The following RNLS variants were observed in gnomAD, a reference collection of about 807,000 sequenced individuals.
The protein encoded by RNLS is renalase.
Under a neutral mutation model 39.8 loss-of-function variants are expected in RNLS, and 39 were observed. That is an observed-to-expected ratio of 0.98 (90% CI 0.76 to 1.28). The LOEUF (loss-of-function observed/expected upper bound fraction) is 1.28, where lower values mean the gene tolerates loss of function less well. Among genes scored for constraint, RNLS ranks in the 50% most tolerant of loss-of-function variants. RNLS has a pLI of 0.00. For missense variants in RNLS, 410 were observed against 413.3 expected (o/e 0.99, Z 0.07); for synonymous variants, 147 against 150.7 (o/e 0.98, Z 0.18).
At chr10:88,281,782 T>TGA (rs576103364), downstream of RNLS, among the ~76,000 whole-genome samples, 248 of 152,186 alleles carry the variant, frequency 1.6e-3, 2 homozygotes, top group Non-Finnish European at 1.9e-3. Context: ...AACAAAACCC[T>TGA]GATATATTAA....
At chr10:88,306,667 T>C (rs749030346) in intron 6 of RNLS, among the ~76,000 whole-genome samples, 11 of 152,140 alleles carry the variant, frequency 7.2e-5, no homozygotes, top group Non-Finnish European at 1.5e-4. Flanking sequence ...TAATAAGCTC[T>C]GAAGTTGAGT....
At chr10:88,439,999 T>A (rs143909308) in intron 4 of RNLS, among the ~76,000 whole-genome samples, 2 of 152,220 alleles carry the variant, frequency 1.3e-5, no homozygotes, top group Non-Finnish European at 2.9e-5. Flanking sequence ...CTGCTTGTTA[T>A]ATCACTGTGT....
chr10:88,413,662 TA>T (rs1296131193), intron 4 of RNLS, among the ~76,000 whole-genome samples: 1 of 152,174 alleles, frequency 6.6e-6, no homozygotes, highest in East Asian at 1.9e-4. Context: ...CACTTAATTT[TA>T]AAGGCCTCTT....
At chr10:88,297,462 A>G (rs952343400) in intron 6 of RNLS, among the ~76,000 whole-genome samples, 12 of 152,078 alleles carry the variant, frequency 7.9e-5, no homozygotes, top group African/African-American at 2.9e-4. Context: ...TGCCATTCAC[A>G]TCTCCTCTTT....
intron 3 of RNLS, among the ~76,000 whole-genome samples, chr10:88,578,511 A>G (rs568946380): frequency 5.3e-5 from 8 of 152,264 alleles, no homozygotes; most frequent in South Asian, 2.1e-4. Flanking sequence ...GGGTCCAACA[A>G]ATCCTATAGA....
At chr10:88,492,409 T>G (rs1329489993) in intron 4 of RNLS, among the ~76,000 whole-genome samples, 1 of 132,202 alleles carries the variant, frequency 7.6e-6, no homozygotes, top group African/African-American at 2.9e-5. Context: ...CTTTTTAATT[T>G]TTTTTCTTTT....
At chr10:88,353,724 G>A (rs1092447) in intron 5 of RNLS, among the ~76,000 whole-genome samples, 2 of 152,134 alleles carry the variant, frequency 1.3e-5, no homozygotes, top group Non-Finnish European at 2.9e-5. Context: ...ATGTCTATTA[G>A]GTCTGCTGGG....
At chr10:88,443,184 A>G (rs1313760908) in intron 4 of RNLS, among the ~76,000 whole-genome samples, 4 of 151,990 alleles carry the variant, frequency 2.6e-5, no homozygotes, top group Non-Finnish European at 4.4e-5. Context: ...TGTCCCTTTT[A>G]ATTTGGGATT....
chr10:88,560,283 T>C (rs979771068), intron 4 of RNLS, among the ~76,000 whole-genome samples: 1 of 152,020 alleles, frequency 6.6e-6, no homozygotes, highest in Non-Finnish European at 1.5e-5. Context: ...ATTGCAACAG[T>C]ATTTCTCCCA....
chr10:88,252,057 G>A, the RNLS span, among the ~76,000 whole-genome samples: 1 of 152,230 alleles, frequency 6.6e-6, no homozygotes, highest in Non-Finnish European at 1.5e-5. Flanking sequence ...AAGAGATAAA[G>A]TTGCTGGTCC....
intron 4 of RNLS, among the ~76,000 whole-genome samples, chr10:88,511,682 G>A (rs376610406): frequency 1.3e-5 from 2 of 152,076 alleles, no homozygotes; most frequent in East Asian, 1.9e-4. Flanking sequence ...AAGAGGGAGT[G>A]CTGTCCCAGA....
intron 4 of RNLS, among the ~76,000 whole-genome samples, chr10:88,366,013 T>A (rs1850071658): frequency 6.6e-6 from 1 of 152,168 alleles, no homozygotes. Context: ...TGCCATGCAC[T>A]TTTCTAGACG....
At chr10:88,285,668 A>T (rs1843215834) in intron 6 of RNLS, among the ~76,000 whole-genome samples, 162 bp from the exon 7 acceptor site, 1 of 152,080 alleles carries the variant, frequency 6.6e-6, no homozygotes, top group South Asian at 2.1e-4. Context: ...CAAAAAACAA[A>T]CCAAGACTCA....
At chr10:88,441,878 C>T (rs1358044089) in intron 4 of RNLS, among the ~76,000 whole-genome samples, 2 of 152,142 alleles carry the variant, frequency 1.3e-5, no homozygotes, top group African/African-American at 4.8e-5. Context: ...GAGGGCAGCT[C>T]CTAGCTGTGA....
chr10:88,471,768 A>T lies in RNLS; in HGVS notation c.526+101135T>A, dbSNP rs534799922. ...GCAAGGTTTTTGTGGTCCCCTCCCC[A>T]TGGAGTCTCATGGGGATGTGTCTAA... On this transcript the variant is annotated intron_variant, in intron 4 of 6. Transcript: ENST00000331772. Among the ~76,000 whole-genome samples the T allele has an allele frequency of 1.2e-4, 19 of 152,288 alleles. No individual in the cohort carries two copies. In the East Asian group the frequency reaches 3.5e-3, roughly 28 times the overall value.
intron 4 of RNLS, among the ~76,000 whole-genome samples, chr10:88,399,184 G>A (rs920742063): frequency 7.2e-5 from 11 of 151,792 alleles, no homozygotes; most frequent in Non-Finnish European, 8.8e-5. Context: ...ATTGCCACTG[G>A]GAATATAAAT....
At position 88,509,450 on chromosome 10, in the gene RNLS, G is replaced by GA. The variant is rs72517680; in HGVS notation, c.526+63452dup. On this transcript the variant is annotated intron_variant, in intron 4 of 6. Transcript: ENST00000331772. ...GAAGAAAGGAAATAAGAGAGAGAGA[G>GA]AAAAAAAAGGAGAGAAGAGGAGAGG... Among the ~76,000 whole-genome samples, 266 of 72,128 alleles carry GA rather than the reference G, an allele frequency of 3.7e-3. 2 individuals are homozygous for GA. Among genetic ancestry groups the GA allele is most frequent in the East Asian group, 0.031 (49 of 1,582 alleles). The allele number at this position is 72,128 out of a possible 152,430, so 47.3% of individuals were successfully genotyped here. A position where few individuals can be genotyped will look rare whatever the true frequency, so the allele number is the denominator to read the frequency against.
At chr10:88,313,363 CT>C (rs1845527324) in intron 6 of RNLS, among the ~76,000 whole-genome samples, 1 of 152,026 alleles carries the variant, frequency 6.6e-6, no homozygotes, top group Non-Finnish European at 1.5e-5. Flanking sequence ...TCCCTGTTTT[CT>C]TTTTCAAGCC....
chr10:88,251,108 A>T, the RNLS span, among the ~76,000 whole-genome samples: 1 of 152,260 alleles, frequency 6.6e-6, no homozygotes, highest in Non-Finnish European at 1.5e-5. Flanking sequence ...AGAGATAATG[A>T]TGAAGAAATG....
Sources: allele counts gnomAD v4.1 joint callset (sites outside exome capture counted in the v4.1 genomes callset), GRCh38; gene constraint gnomAD v4.1.1; transcripts MANE v1.5; gene names NCBI Gene and HGNC (gene_info 2026-07-23, HGNC 2026-07-21).